The following PALLD variants were observed in gnomAD, a reference collection of about 807,000 sequenced individuals.
PALLD encodes the protein palladin, cytoskeletal associated protein, also known as palladin.
In PALLD, 61 loss-of-function variants were observed where a neutral mutation model predicts 123.5. The observed-to-expected ratio is 0.49, with a 90% CI of 0.40 to 0.61. PALLD has a LOEUF of 0.61. Ranked by LOEUF, PALLD falls within the 20% of genes least tolerant of loss-of-function variation. The pLI, the probability that PALLD is intolerant of heterozygous loss-of-function variation, is 0.00. For missense variants in PALLD, 1,273 were observed against 1,377.0 expected (o/e 0.92, Z 1.20); for synonymous variants, 465 against 496.4 (o/e 0.94, Z 0.84).
At chr4:168,633,312 T>C (rs1314605407) in intron 2 of PALLD, among the ~76,000 whole-genome samples, 1 of 152,228 alleles carries the variant, frequency 6.6e-6, no homozygotes, top group African/African-American at 2.4e-5. Flanking sequence ...GCGGTTGTTA[T>C]AGGGGTTACA....
At chr4:168,726,715 A>G (rs1053928016) in intron 10 of PALLD, among the ~76,000 whole-genome samples, 1 of 152,034 alleles carries the variant, frequency 6.6e-6, no homozygotes, top group Non-Finnish European at 1.5e-5. Context: ...GAGGTCAGAT[A>G]GAGTTCATCC....
At chr4:168,922,553 C>T (rs113326442) in intron 18 of PALLD, among the ~76,000 whole-genome samples, 13 of 152,116 alleles carry the variant, frequency 8.5e-5, no homozygotes, top group African/African-American at 3.1e-4. Flanking sequence ...AAACACACTA[C>T]GTCACTGAGC....
At chr4:168,656,719 A>G (rs1480954291) in intron 2 of PALLD, among the ~76,000 whole-genome samples, 1 of 152,210 alleles carries the variant, frequency 6.6e-6, no homozygotes, top group Non-Finnish European at 1.5e-5. Flanking sequence ...GTGGGGGGAA[A>G]TCCAGTATTT....
intron 18 of PALLD, among the ~76,000 whole-genome samples, chr4:168,921,981 C>T (rs1761605018): frequency 6.6e-6 from 1 of 151,848 alleles, no homozygotes; most frequent in Non-Finnish European, 1.5e-5. Flanking sequence ...TTGGGTCATT[C>T]GACCTCCTGT....
chr4:168,895,857 C>T (rs948972209), intron 12 of PALLD, among the ~76,000 whole-genome samples: 12 of 152,138 alleles, frequency 7.9e-5, no homozygotes, highest in Non-Finnish European at 1.6e-4. Context: ...TGTTCTTCAA[C>T]TTAGTATGGG....
intron 1 of PALLD, among the ~76,000 whole-genome samples, chr4:168,505,186 ACT>A (rs1761884892): frequency 6.6e-6 from 1 of 152,178 alleles, no homozygotes; most frequent in Non-Finnish European, 1.5e-5. Context: ...CGCGGCAATA[ACT>A]GGCTTGCAAA....
At chr4:168,610,167 C>T (rs1773593193) in intron 2 of PALLD, among the ~76,000 whole-genome samples, 1 of 152,188 alleles carries the variant, frequency 6.6e-6, no homozygotes, top group Non-Finnish European at 1.5e-5. Context: ...CCTGGCCCAT[C>T]AACTATGTTG....
intron 19 of PALLD, among the ~76,000 whole-genome samples, chr4:168,924,714 TA>T (rs1466489359): frequency 5.3e-5 from 8 of 152,336 alleles, no homozygotes; most frequent in South Asian, 4.1e-4. Flanking sequence ...GTGGTTTTTG[TA>T]AAGGCAGATC....
intron 2 of PALLD, among the ~76,000 whole-genome samples, chr4:168,637,021 A>G (rs1776411372): frequency 6.6e-6 from 1 of 152,184 alleles, no homozygotes; most frequent in African/African-American, 2.4e-5. Context: ...AACTCTGTGA[A>G]GAGGAAAAGA....
At chr4:168,666,771 A>G (rs1487540085) in intron 2 of PALLD, among the ~76,000 whole-genome samples, 1 of 152,196 alleles carries the variant, frequency 6.6e-6, no homozygotes, top group Non-Finnish European at 1.5e-5. Flanking sequence ...GGTGATGGAG[A>G]GACCAATTAA....
chr4:168,544,720 A>G (rs1163000915), intron 2 of PALLD, among the ~76,000 whole-genome samples: 1 of 152,234 alleles, frequency 6.6e-6, no homozygotes, highest in Non-Finnish European at 1.5e-5. Flanking sequence ...TAGTTTATTC[A>G]GAAAATTCCA....
intron 7 of PALLD, 100 bp downstream of exon 7, chr4:168,690,844 T>A: frequency 8.1e-7 from 1 of 1,234,590 alleles, no homozygotes; most frequent in Non-Finnish European, 1.2e-6. Context: ...TTGATCTCTA[T>A]GTTCAAAGAG....
chr4:168,566,440 G>A (rs897830324), intron 2 of PALLD, among the ~76,000 whole-genome samples: 1 of 152,146 alleles, frequency 6.6e-6, no homozygotes, highest in Non-Finnish European at 1.5e-5. Flanking sequence ...TGGAGCTACA[G>A]GCATGAGCCA....
intron 10 of PALLD, among the ~76,000 whole-genome samples, chr4:168,836,600 C>A (rs1311548673): frequency 6.6e-6 from 1 of 152,088 alleles, no homozygotes; most frequent in Non-Finnish European, 1.5e-5. Flanking sequence ...TGAGGTAGGC[C>A]CGCCACATTA....
intron 2 of PALLD, among the ~76,000 whole-genome samples, chr4:168,578,972 GT>G (rs983651658): frequency 2.0e-5 from 3 of 152,094 alleles, no homozygotes; most frequent in Non-Finnish European, 4.4e-5. Context: ...TCAATTTCTA[GT>G]TTTAACCAAC....
intron 3 of PALLD, among the ~76,000 whole-genome samples, chr4:168,679,219 TGTGTGTGTGTG>T (rs1781240908): frequency 5.0e-5 from 2 of 39,808 alleles, no homozygotes; most frequent in African/African-American, 1.0e-4. Flanking sequence ...GTGTGTGGGG[TGTGTGTGTGTG>T]GTGTGTGTGG....
At chr4:168,904,137 G>A (rs1461007043) in intron 15 of PALLD, 2 of 524,586 alleles carry the variant, frequency 3.8e-6, no homozygotes, top group Non-Finnish European at 6.9e-6. Flanking sequence ...TATTATTAAG[G>A]GTCTAATATG....
intron 2 of PALLD, among the ~76,000 whole-genome samples, chr4:168,579,376 T>G (rs2149643702): frequency 6.6e-6 from 1 of 152,324 alleles, no homozygotes; most frequent in Admixed American, 6.5e-5. Context: ...TATTAACAAA[T>G]GCATCCAATT....
At chr4:168,562,469 T>C (rs1403560204) in intron 2 of PALLD, among the ~76,000 whole-genome samples, 1 of 152,178 alleles carries the variant, frequency 6.6e-6, no homozygotes, top group African/African-American at 2.4e-5. Flanking sequence ...AGGAAAAAGA[T>C]AGCAAATACA....
Sources: allele counts gnomAD v4.1 joint callset (sites outside exome capture counted in the v4.1 genomes callset), GRCh38; gene constraint gnomAD v4.1.1; transcripts MANE v1.5; gene names NCBI Gene and HGNC (gene_info 2026-07-23, HGNC 2026-07-21).